Variants in COL19A1 observed in about 807,000 individuals in gnomAD.
COL19A1 encodes the protein collagen type XIX alpha 1 chain.
Under a neutral mutation model 190.2 loss-of-function variants are expected in COL19A1, and 159 were observed. The ratio of observed to expected loss-of-function variants is 0.84; its 90% CI spans 0.73 to 0.95. COL19A1 has a LOEUF of 0.95. Ranked by LOEUF, COL19A1 falls within the 40% of genes least tolerant of loss-of-function variation. COL19A1 has a pLI of 0.00. For missense variants in COL19A1, 1,418 were observed against 1,431.9 expected (o/e 0.99, Z 0.16); for synonymous variants, 509 against 458.9 (o/e 1.11, Z -1.39).
chr6:69,993,670 C>G (rs2150076373), intron 11 of COL19A1, among the ~76,000 whole-genome samples: 1 of 152,180 alleles, frequency 6.6e-6, no homozygotes, highest in Non-Finnish European at 1.5e-5. Flanking sequence ...CAATTTCTTT[C>G]TGGTTCAATC....
At chr6:69,938,150 TG>T in intron 9 of COL19A1, 50 bp downstream of exon 9, 2 of 1,558,184 alleles carry the variant, frequency 1.3e-6, no homozygotes, top group East Asian at 2.3e-5. Context: ...TGTTAAAAAA[TG>T]ACTTAAAAAT....
At chr6:70,205,008 C>T (rs1233738314) in intron 49 of COL19A1, among the ~76,000 whole-genome samples, 2 of 152,230 alleles carry the variant, frequency 1.3e-5, no homozygotes, top group East Asian at 1.9e-4. Flanking sequence ...ATCCTGGAAA[C>T]ATTTTAAATT....
chr6:69,929,883 T>C (rs1772642806), intron 6 of COL19A1, among the ~76,000 whole-genome samples, 183 bp downstream of exon 6: 1 of 152,224 alleles, frequency 6.6e-6, no homozygotes, highest in Admixed American at 6.5e-5. Context: ...TATTTTCACA[T>C]GTATTATTTT....
At chr6:70,059,887 C>T (rs910215415) in intron 14 of COL19A1, 2 of 374,012 alleles carry the variant, frequency 5.3e-6, no homozygotes, top group African/African-American at 2.2e-5. Flanking sequence ...AAGTAGAAAA[C>T]ATTGATAGGC....
chr6:70,071,104 C>T (rs1284009387), intron 15 of COL19A1, among the ~76,000 whole-genome samples: 4 of 152,112 alleles, frequency 2.6e-5, no homozygotes, highest in South Asian at 2.1e-4. Flanking sequence ...TGATTAAATA[C>T]GTAGTAGCTA....
At chr6:70,052,984 A>AGACACAC in intron 14 of COL19A1, among the ~76,000 whole-genome samples, 1 of 152,182 alleles carries the variant, frequency 6.6e-6, no homozygotes. Flanking sequence ...GTGGAATTCC[A>AGACACAC]GACACACTAG....
intron 14 of COL19A1, among the ~76,000 whole-genome samples, chr6:70,042,241 A>G (rs139985099): frequency 6.6e-6 from 1 of 152,270 alleles, no homozygotes; most frequent in African/African-American, 2.4e-5. Flanking sequence ...TCAAATTCGA[A>G]TTAAAAACTA....
chr6:70,062,786 A>T (rs554067901), intron 14 of COL19A1, among the ~76,000 whole-genome samples: 3 of 152,286 alleles, frequency 2.0e-5, no homozygotes, highest in South Asian at 4.1e-4. Context: ...ATGGAGGAAG[A>T]TCTACCAAGC....
In COL19A1 at chr6:69,919,615, T is replaced by G. The variant is rs903302217; in HGVS notation, c.267-8294T>G. Among the ~76,000 whole-genome samples the G allele has an allele frequency of 3.3e-5, 5 of 152,110 alleles. No homozygotes were observed. The South Asian group carries it at 1.0e-3, about 32-fold the overall frequency. Reference sequence around the variant, plus strand: ...ATAGGAAAAAATCTAGAGAATGAAGTTAATATGGAATTTGGACAAATATAA... The same window carrying G: ...ATAGGAAAAAATCTAGAGAATGAAGGTAATATGGAATTTGGACAAATATAA... On this transcript the variant is annotated intron_variant, in intron 4 of 50. Coordinates refer to ENST00000620364, the MANE Select transcript of COL19A1 (RefSeq NM_001858.6).
chr6:70,146,689 C>T lies in COL19A1; in HGVS notation c.1801C>T (p.Pro601Ser), dbSNP rs755065660. 10 of 1,605,506 alleles carry T rather than the reference C, an allele frequency of 6.2e-6. No homozygotes were observed. The highest frequency in any genetic ancestry group is 8.5e-6 in the Non-Finnish European group (10 of 1,175,972). ...GLDGNPGAPGPRGPKGERGLP... is the reference protein window; with the variant it reads ...GLDGNPGAPGSRGPKGERGLP... ...AGATGGAAATCCTGGAGCACCTGGT[C>T]CACGTGGGCCAAAGGTATACAAATA... The change falls in exon 26 of 51, where the codon CCA becomes TCA. Residue 601 changes from proline (P) to serine (S), a missense_variant. Coordinates refer to ENST00000620364, the MANE Select transcript of COL19A1 (RefSeq NM_001858.6).
chr6:70,173,091 T>A (rs1465411020), intron 41 of COL19A1, among the ~76,000 whole-genome samples: 1 of 152,206 alleles, frequency 6.6e-6, no homozygotes, highest in Non-Finnish European at 1.5e-5. Context: ...AGGGCGGACA[T>A]CATCTGAAAT....
chr6:70,193,810 T>C (rs1300893379), intron 48 of COL19A1, among the ~76,000 whole-genome samples: 5 of 152,238 alleles, frequency 3.3e-5, no homozygotes, highest in African/African-American at 1.2e-4. Flanking sequence ...TCATTTCAAT[T>C]CACTCCATTT....
chr6:70,062,201 A>G (rs1268572088), intron 14 of COL19A1, among the ~76,000 whole-genome samples: 1 of 152,160 alleles, frequency 6.6e-6, no homozygotes, highest in Non-Finnish European at 1.5e-5. Context: ...TTGGGGGAAC[A>G]GTGAGAACTG....
chr6:69,891,061 T>C lies in COL19A1; in HGVS notation c.92-7887T>C, dbSNP rs138866659. 1,656 of 337,478 alleles carry C rather than the reference T, an allele frequency of 4.9e-3. 17 individuals are homozygous for C. The highest frequency in any genetic ancestry group is 0.031 in the African/African-American group (1,489 of 47,432). 20.9% of individuals were successfully genotyped at this position (337,478 alleles called of 1,614,324 possible). A position where few individuals can be genotyped will look rare whatever the true frequency, so the allele number is the denominator to read the frequency against. ...AGTTGCATGACCATTTGGAGTTTGATGGCCTGAAGGCAAGAACAGACAAAC... is the reference window on the plus strand; with the variant it reads ...AGTTGCATGACCATTTGGAGTTTGACGGCCTGAAGGCAAGAACAGACAAAC... On this transcript the variant is annotated intron_variant, in intron 2 of 50. Coordinates refer to ENST00000620364, the MANE Select transcript of COL19A1 (RefSeq NM_001858.6).
At chr6:69,956,524 C>G (rs972836571) in intron 9 of COL19A1, among the ~76,000 whole-genome samples, 1 of 151,806 alleles carries the variant, frequency 6.6e-6, no homozygotes, top group Admixed American at 6.6e-5. Flanking sequence ...TTAAAAATTT[C>G]CTGAAACGTT....
intron 46 of COL19A1, 51 bp from the exon 47 acceptor site, chr6:70,188,024 A>G: frequency 6.2e-7 from 1 of 1,600,436 alleles, no homozygotes; most frequent in Non-Finnish European, 8.5e-7. Flanking sequence ...GCTCTCAACT[A>G]CAGCTGATGC....
intron 2 of COL19A1, among the ~76,000 whole-genome samples, chr6:69,898,243 G>T: frequency 6.6e-6 from 1 of 152,130 alleles, no homozygotes; most frequent in East Asian, 1.9e-4. Context: ...CTGTAATTTT[G>T]TCTGAATTAA....
chr6:69,896,345 G>A (rs1000322304), intron 2 of COL19A1, among the ~76,000 whole-genome samples: 8 of 151,698 alleles, frequency 5.3e-5, no homozygotes, highest in African/African-American at 1.7e-4. Flanking sequence ...AGACCATCCT[G>A]GCTAACAAGG....
chr6:70,170,976 A>G (rs1765463271), intron 40 of COL19A1, among the ~76,000 whole-genome samples: 1 of 152,206 alleles, frequency 6.6e-6, no homozygotes, highest in Admixed American at 6.5e-5. Flanking sequence ...TTTGCAGTGA[A>G]CATTAATTTA....
Sources: gnomAD v4.1 joint callset for allele counts (sites outside exome capture counted in the v4.1 genomes callset) on GRCh38, gnomAD v4.1.1 for gene constraint, MANE v1.5 for transcripts, NCBI Gene and HGNC (gene_info 2026-07-23, HGNC 2026-07-21) for gene names.